USP34: variants seen among roughly 807,000 people sequenced by gnomAD.
USP34 encodes ubiquitin specific peptidase 34, also known as ubiquitin carboxyl-terminal hydrolase 34.
USP34 carries 70 observed loss-of-function variants against 460.3 expected under a neutral mutation model. The observed-to-expected ratio is 0.15, with a 90% CI of 0.13 to 0.19. The LOEUF (loss-of-function observed/expected upper bound fraction) is 0.19. USP34 is among the 10% of genes least tolerant of loss of function. USP34 has a pLI of 1.00. For missense variants in USP34, 3,985 were observed against 4,236.2 expected (o/e 0.94, Z 1.65); for synonymous variants, 1,647 against 1,405.3 (o/e 1.17, Z -3.85).
At position 61,314,702 on chromosome 2, in the gene USP34, C is replaced by G. The variant is rs748683874; in HGVS notation, c.3425G>C (p.Cys1142Ser). 2 of 1,594,404 alleles carry G rather than the reference C, an allele frequency of 1.3e-6. No individual in the cohort carries two copies. The highest frequency in any genetic ancestry group is 2.7e-5 in the African/African-American group (2 of 73,840). The part of the protein sequence containing the change: ...LEKEQEFISK[C>S]MESLMIASSS... Reference sequence around the variant, plus strand: ...AGAAGCTATCATAAGACTCTCCATGCACTTACTAATAAATTCTTGCTCCTT... The same window carrying G: ...AGAAGCTATCATAAGACTCTCCATGGACTTACTAATAAATTCTTGCTCCTT... Residue 1142 changes from cysteine (C) to serine (S), a missense_variant, in exon 25 of 80, where the codon TGC becomes TCC. Coordinates refer to ENST00000398571, the MANE Select transcript of USP34 (RefSeq NM_014709.4).
intron 1 of USP34, among the ~76,000 whole-genome samples, chr2:61,470,156 C>G (rs1695904447): frequency 6.6e-6 from 1 of 152,176 alleles, no homozygotes; most frequent in African/African-American, 2.4e-5. Flanking sequence ...CACAAACCCG[C>G]AAGGGAGGGA....
intron 1 of USP34, among the ~76,000 whole-genome samples, chr2:61,469,314 A>C (rs1695876516): frequency 6.6e-6 from 1 of 152,238 alleles, no homozygotes. Context: ...AATCATAATC[A>C]CACGACTTGT....
rs1427569987 is a variant in USP34, at chr2:61,221,615, C to CACAT, written c.7795-13_7795-10dup. ...AAGAAAGGATTGGCTGCCTGTAAAA[C>CACAT]ACATACATGACTGTGTATTTAGATC... is the stretch of plus-strand genomic sequence containing the variant. On this transcript the variant is annotated splice_polypyrimidine_tract_variant and intron_variant, in intron 65 of 79. Coordinates refer to ENST00000398571, the MANE Select transcript of USP34 (RefSeq NM_014709.4). 3 of 1,613,028 alleles carry CACAT rather than the reference C, an allele frequency of 1.9e-6. No homozygotes were observed. The African/African-American group carries it at 4.0e-5, about 22-fold the overall frequency.
At chr2:61,443,312 G>A (rs1695018006) in intron 1 of USP34, among the ~76,000 whole-genome samples, 1 of 151,896 alleles carries the variant, frequency 6.6e-6, no homozygotes, top group East Asian at 1.9e-4. Flanking sequence ...TGCAAAAAAG[G>A]GATAAATGTT....
intron 29 of USP34, among the ~76,000 whole-genome samples, chr2:61,299,410 G>T (rs1483192994): frequency 6.6e-6 from 1 of 152,138 alleles, no homozygotes; most frequent in African/African-American, 2.4e-5. Flanking sequence ...AAAGTTAGTG[G>T]ATTGAATATG....
intron 1 of USP34, among the ~76,000 whole-genome samples, chr2:61,453,182 G>A (rs543018504): frequency 9.2e-5 from 14 of 152,176 alleles, no homozygotes; most frequent in Admixed American, 5.2e-4. Flanking sequence ...AGGCCGAAGC[G>A]GGTGGATTGC....
chr2:61,458,363 G>C (rs1302585296), intron 1 of USP34, among the ~76,000 whole-genome samples: 1 of 151,488 alleles, frequency 6.6e-6, no homozygotes, highest in Non-Finnish European at 1.5e-5. Flanking sequence ...GAGTTCAAGA[G>C]AAGCCTGGCC....
At chr2:61,214,781 C>G in intron 67 of USP34, 87 bp from the exon 68 acceptor site, 1 of 1,401,414 alleles carries the variant, frequency 7.1e-7, no homozygotes, top group South Asian at 1.4e-5. Context: ...CCACTGTTCC[C>G]TTTAATAATT....
At chr2:61,323,719 G>C (rs1690998904) in intron 21 of USP34, among the ~76,000 whole-genome samples, 1 of 152,092 alleles carries the variant, frequency 6.6e-6, no homozygotes, top group African/African-American at 2.4e-5. Flanking sequence ...AATCTATACT[G>C]TGTATAATAA....
intron 5 of USP34, among the ~76,000 whole-genome samples, chr2:61,393,953 T>C (rs1454771907): frequency 6.6e-6 from 1 of 151,950 alleles, no homozygotes; most frequent in East Asian, 1.9e-4. Flanking sequence ...CTGGCCAACA[T>C]GTACTCAAAA....
intron 21 of USP34, among the ~76,000 whole-genome samples, chr2:61,322,026 C>T (rs761668222): frequency 9.9e-5 from 15 of 152,146 alleles, no homozygotes; most frequent in Non-Finnish European, 1.9e-4. Flanking sequence ...GTCGGGAGTT[C>T]GAGACCAGCC....
At chr2:61,293,942 G>C (rs1689938056) in intron 32 of USP34, among the ~76,000 whole-genome samples, 1 of 152,100 alleles carries the variant, frequency 6.6e-6, no homozygotes, top group African/African-American at 2.4e-5. Flanking sequence ...TCGAACCCAG[G>C]AGGTCAAGGC....
In USP34 at chr2:61,211,887, G is replaced by T; in HGVS notation, c.8725C>A (p.Gln2909Lys). Reference protein sequence around the residue: ...LFNLMQLFIAQRPDMREEELE... With the variant: ...LFNLMQLFIAKRPDMREEELE... The stretch of plus-strand genomic sequence containing the variant: ...TCTTCTTCTCTCATATCTGGCCTCT[G>T]AGCTATAAACAGCTGCATCAGGTTA... Residue 2909 changes from glutamine (Q) to lysine (K), a missense_variant, in exon 69 of 80, where the codon CAG (glutamine) becomes AAG (lysine). By Grantham distance (53) the Gln-to-Lys change is moderately conservative. Around this residue, in one of 14 missense-constraint regions of USP34, gnomAD observed 275 missense variants for 292.7 expected, o/e 0.94. Transcript: ENST00000398571. 6.2e-7 allele frequency: 1 copy of T among 1,608,942 alleles called. No individual in the cohort carries two copies.
At chr2:61,374,176 AAAC>A (rs1193864979) in intron 8 of USP34, among the ~76,000 whole-genome samples, 1 of 151,492 alleles carries the variant, frequency 6.6e-6, no homozygotes, top group African/African-American at 2.4e-5. Context: ...AAAAAAAAAA[AAAC>A]AGAGAAAATG....
intron 75 of USP34, among the ~76,000 whole-genome samples, chr2:61,196,656 C>T (rs1164291537): frequency 6.6e-6 from 1 of 151,958 alleles, no homozygotes; most frequent in East Asian, 1.9e-4. Context: ...CTCAGCCTCT[C>T]GAGTAGCTGG....
Position 61,256,953 on chromosome 2 carries a change from A to G in USP34, c.6049-3T>C, listed in dbSNP as rs1688737779. 1.3e-6 allele frequency: 2 copies of G among 1,505,194 alleles called. No individual in the cohort carries two copies. Among genetic ancestry groups the G allele is most frequent in the East Asian group, 4.7e-5 (2 of 42,242 alleles). The allele number at this position is 1,505,194 out of a possible 1,614,324, so 93.2% of individuals were successfully genotyped here. On this transcript the variant is annotated splice_polypyrimidine_tract_variant and splice_region_variant and intron_variant, in intron 46 of 79. Coordinates refer to ENST00000398571, the MANE Select transcript of USP34 (RefSeq NM_014709.4). ...GTTTGACTAACATGTTCACAATCCT[A>G]ATCAATACACATAAAAAATTAATAA...
chr2:61,242,458 TACACACACACACACACAC>T (rs67471702), intron 51 of USP34, among the ~76,000 whole-genome samples: 10 of 129,776 alleles, frequency 7.7e-5, no homozygotes, highest in Admixed American at 1.6e-4. Context: ...AGATAATACA[TACACACACACACACACAC>T]ACACACACAC....
intron 67 of USP34, among the ~76,000 whole-genome samples, chr2:61,217,886 C>T (rs1474466653): frequency 3.3e-5 from 5 of 152,022 alleles, no homozygotes; most frequent in East Asian, 1.9e-4. Context: ...ACCCGGGAGG[C>T]GGAGGTTGCA....
chr2:61,340,578 C>CA (rs1453470800), intron 16 of USP34, among the ~76,000 whole-genome samples: 1 of 152,166 alleles, frequency 6.6e-6, no homozygotes, highest in Non-Finnish European at 1.5e-5. Context: ...GTAGTACTGT[C>CA]ACTCTTAATT....
Sources: allele counts gnomAD v4.1 joint callset (sites outside exome capture counted in the v4.1 genomes callset), GRCh38; gene constraint gnomAD v4.1.1; regional missense constraint gnomAD v4.1.1; transcripts MANE v1.5; gene names NCBI Gene and HGNC (gene_info 2026-07-23, HGNC 2026-07-21).